DYM: variants seen among roughly 807,000 people sequenced by gnomAD.
DYM encodes the protein dymeclin.
A neutral mutation model predicts 93.1 loss-of-function variants in DYM; 78 were observed. The ratio of observed to expected loss-of-function variants is 0.84; its 90% CI spans 0.70 to 1.01. The LOEUF (loss-of-function observed/expected upper bound fraction) is 1.01. DYM is among the 50% of genes least tolerant of loss of function. DYM has a pLI of 0.00. For synonymous variants in DYM, 321 were observed against 319.7 expected (o/e 1.00, Z -0.04); for missense variants, 789 against 845.0 (o/e 0.93, Z 0.82).
chr18:49,203,871 T>TAAAAAA lies in DYM; in HGVS notation c.1625+5674_1625+5679dup, dbSNP rs71165370. Among the ~76,000 whole-genome samples, 20 of 63,534 alleles carry TAAAAAA rather than the reference T, an allele frequency of 3.1e-4. 1 individual carries two copies. The highest frequency in any genetic ancestry group is 4.6e-4 in the Admixed American group (2 of 4,358). 41.7% of individuals were successfully genotyped at this position (63,534 alleles called of 152,430 possible). On this transcript the variant is annotated intron_variant, in intron 14 of 17. Coordinates refer to ENST00000675505, the MANE Select transcript of DYM (RefSeq NM_001353214.3). ...CAATAAAAAAATAAATTTAAAAAAG[T>TAAAAAA]AAAAAAAAAAAAAAAAAAAAAAAAA...
At chr18:49,358,710 G>A (rs574478053) in intron 6 of DYM, among the ~76,000 whole-genome samples, 1 of 152,130 alleles carries the variant, frequency 6.6e-6, no homozygotes, top group Non-Finnish European at 1.5e-5. Flanking sequence ...TTGGGTCTGA[G>A]GCCAATAGAA....
intron 17 of DYM, among the ~76,000 whole-genome samples, chr18:49,067,408 G>T (rs2076529918): frequency 2.2e-3 from 12 of 5,406 alleles, no homozygotes; most frequent in South Asian, 9.0e-3. Context: ...GGTGATGTGA[G>T]TGTTATGGAG....
At chr18:49,090,873 G>C (rs147366248) in intron 17 of DYM, among the ~76,000 whole-genome samples, 1 of 152,092 alleles carries the variant, frequency 6.6e-6, no homozygotes, top group African/African-American at 2.4e-5. Flanking sequence ...ATTTACATAG[G>C]AATTAGCTTA....
intron 8 of DYM, among the ~76,000 whole-genome samples, chr18:49,290,587 T>C (rs1027236424): frequency 7.9e-5 from 12 of 152,038 alleles, no homozygotes; most frequent in African/African-American, 2.7e-4. Flanking sequence ...CATTAGTATG[T>C]AGAATATGGG....
intron 17 of DYM, among the ~76,000 whole-genome samples, chr18:49,067,334 T>C (rs2076517205): frequency 7.1e-6 from 1 of 140,022 alleles, no homozygotes; most frequent in African/African-American, 2.8e-5. Context: ...TGATGTGTTA[T>C]GGAGATTCAG....
chr18:49,258,636 C>T (rs1386719868), intron 11 of DYM, 143 bp from the exon 12 acceptor site: 4 of 674,848 alleles, frequency 5.9e-6, no homozygotes, highest in Non-Finnish European at 1.1e-5. Flanking sequence ...CAAATGAGTC[C>T]AGATCTTCAA....
At chr18:49,240,060 A>G (rs962393087) in intron 13 of DYM, among the ~76,000 whole-genome samples, 1 of 152,236 alleles carries the variant, frequency 6.6e-6, no homozygotes, top group South Asian at 2.1e-4. Flanking sequence ...TCAACCTCTG[A>G]TAACTATGTT....
At chr18:49,273,950 G>C (rs1050651242) in intron 10 of DYM, among the ~76,000 whole-genome samples, 3 of 151,680 alleles carry the variant, frequency 2.0e-5, no homozygotes, top group African/African-American at 7.3e-5. Context: ...GTAAGAGTAA[G>C]TAACGGGTCC....
chr18:49,129,293 C>T (rs971431785), intron 15 of DYM, among the ~76,000 whole-genome samples: 2 of 152,070 alleles, frequency 1.3e-5, no homozygotes, highest in Non-Finnish European at 2.9e-5. Flanking sequence ...TTGTAAGGAA[C>T]CTGGACTTCA....
At chr18:49,270,488 G>A (rs891379106) in intron 11 of DYM, among the ~76,000 whole-genome samples, 1 of 152,154 alleles carries the variant, frequency 6.6e-6, no homozygotes, top group Non-Finnish European at 1.5e-5. Context: ...ATGAAGTCTA[G>A]AGATCTAATG....
Position 49,314,953 on chromosome 18 carries a change from G to T in DYM, c.763+16911C>A, listed in dbSNP as rs371658036. On this transcript the variant is annotated intron_variant, in intron 8 of 17. Coordinates refer to ENST00000675505, the MANE Select transcript of DYM (RefSeq NM_001353214.3). The stretch of plus-strand genomic sequence containing the variant: ...CGGTGTCTGAGGGGTGGTGGCTCAG[G>T]CCTATAATCTCAGAACTTTGGGAGG... Among the ~76,000 whole-genome samples the T allele has an allele frequency of 5.9e-4, 90 of 152,280 alleles. 3 individuals carry two copies. The highest frequency in any genetic ancestry group is 2.0e-3 in the African/African-American group (85 of 41,566).
At position 49,212,814 on chromosome 18, in the gene DYM, G is replaced by GA. The variant is rs1040792303; in HGVS notation, c.1461-3100dup. Among the ~76,000 whole-genome samples, 901 of 147,638 alleles carry GA rather than the reference G, an allele frequency of 6.1e-3. 6 individuals carry two copies. The highest frequency in any genetic ancestry group is 0.02 in the African/African-American group (811 of 40,130). On this transcript the variant is annotated intron_variant, in intron 13 of 17. Coordinates refer to ENST00000675505, the MANE Select transcript of DYM (RefSeq NM_001353214.3). ...GTCCGGCCTAATTTATTTTTAATCT[G>GA]AAAAAAAAAATAGAACTGATCTTTT...
At chr18:49,258,777 CATAG>C (rs1173777582) in intron 11 of DYM, among the ~76,000 whole-genome samples, 1 of 86,998 alleles carries the variant, frequency 1.1e-5, no homozygotes, top group African/African-American at 4.7e-5. Flanking sequence ...ACCTAGGGAT[CATAG>C]ACACACACAC....
At chr18:49,203,466 AAAG>A (rs1355757361) in intron 14 of DYM, among the ~76,000 whole-genome samples, 4 of 148,474 alleles carry the variant, frequency 2.7e-5, no homozygotes, top group East Asian at 2.0e-4. Context: ...TGTCTGTGTG[AAAG>A]AAGTAGACAT....
chr18:49,442,407 CA>C (rs965903095), intron 1 of DYM, among the ~76,000 whole-genome samples: 1 of 139,642 alleles, frequency 7.2e-6, no homozygotes, highest in African/African-American at 2.7e-5. Flanking sequence ...CAAATTAGCC[CA>C]GACATGGTGG....
chr18:49,356,192 C>A (rs148247273), intron 6 of DYM, among the ~76,000 whole-genome samples: 2 of 152,094 alleles, frequency 1.3e-5, no homozygotes, highest in Non-Finnish European at 2.9e-5. Context: ...TTAAAATTTG[C>A]AGTTATTAAT....
intron 15 of DYM, among the ~76,000 whole-genome samples, chr18:49,151,332 A>T (rs1001897847): frequency 6.6e-6 from 1 of 152,228 alleles, no homozygotes; most frequent in Non-Finnish European, 1.5e-5. Context: ...AAACAAGCAG[A>T]GCTGAATTCT....
intron 11 of DYM, among the ~76,000 whole-genome samples, chr18:49,271,473 G>T (rs1283904758): frequency 6.6e-6 from 1 of 152,090 alleles, no homozygotes; most frequent in African/African-American, 2.4e-5. Flanking sequence ...ATCTTAGGGC[G>T]ATAATAGTTA....
At chr18:49,348,154 G>A (rs1161279781) in intron 6 of DYM, among the ~76,000 whole-genome samples, 2 of 152,072 alleles carry the variant, frequency 1.3e-5, no homozygotes, top group African/African-American at 2.4e-5. Context: ...CGAATACAGA[G>A]GAAAAAAACA....
Sources: gnomAD v4.1 joint callset for allele counts (sites outside exome capture counted in the v4.1 genomes callset) on GRCh38, gnomAD v4.1.1 for gene constraint, MANE v1.5 for transcripts, NCBI Gene and HGNC (gene_info 2026-07-23, HGNC 2026-07-21) for gene names.